The following MGAT4C variants were observed in gnomAD, a reference collection of about 807,000 sequenced individuals.
MGAT4C encodes MGAT4 family member C.
Under a neutral mutation model 40.1 loss-of-function variants are expected in MGAT4C, and 19 were observed. That is an observed-to-expected ratio of 0.47 (90% confidence interval 0.33 to 0.70). The LOEUF is 0.70. Among genes scored for constraint, MGAT4C ranks in the 30% least tolerant of loss-of-function variants. The pLI, the probability that MGAT4C is intolerant of heterozygous loss-of-function variation, is 0.02. For missense variants in MGAT4C, 491 were observed against 563.2 expected, an observed-to-expected ratio of 0.87 and a Z score of 1.30; for synonymous variants, 181 against 187.1, an observed-to-expected ratio of 0.97 and a Z score of 0.27.
intron 3 of MGAT4C, among the ~76,000 whole-genome samples, chr12:86,343,334 G>A (rs1004747014): frequency 7.2e-5 from 11 of 152,068 alleles, no homozygotes; most frequent in East Asian, 3.9e-4. Flanking sequence ...TCAATGTATC[G>A]TCACCTCAAA....
chr12:86,155,000 A>G (rs560569176), intron 1 of MGAT4C, among the ~76,000 whole-genome samples: 1 of 152,184 alleles, frequency 6.6e-6, no homozygotes, highest in Admixed American at 6.5e-5. Context: ...CATGATAGAG[A>G]GTAATGAGAG....
At chr12:86,219,965 A>C in intron 1 of MGAT4C, among the ~76,000 whole-genome samples, 1 of 152,132 alleles carries the variant, frequency 6.6e-6, no homozygotes, top group East Asian at 1.9e-4. Flanking sequence ...ACTGATGACA[A>C]TCAGACCTTT....
intron 1 of MGAT4C, among the ~76,000 whole-genome samples, chr12:86,743,433 G>A (rs1001009876): frequency 4.6e-5 from 7 of 151,512 alleles, no homozygotes; most frequent in Non-Finnish European, 8.9e-5. Context: ...GGGAAAACCA[G>A]CTTTCTCCTG....
chr12:86,517,652 G>GTTTA (rs376546298), intron 2 of MGAT4C, among the ~76,000 whole-genome samples: 3 of 151,260 alleles, frequency 2.0e-5, no homozygotes, highest in Non-Finnish European at 4.4e-5. Flanking sequence ...TTGTTTGTTT[G>GTTTA]TTTATTTATT....
intron 1 of MGAT4C, among the ~76,000 whole-genome samples, chr12:86,164,651 A>C (rs1885987394): frequency 1.3e-5 from 2 of 152,184 alleles, no homozygotes; most frequent in South Asian, 4.1e-4. Context: ...GTTCTGAATA[A>C]AAAGATTAGG....
chr12:86,207,183 GAAGA>G (rs556033383), intron 1 of MGAT4C, among the ~76,000 whole-genome samples: 19 of 151,452 alleles, frequency 1.3e-4, no homozygotes, highest in South Asian at 1.3e-3. Flanking sequence ...TTTTAGAAGT[GAAGA>G]AAGAGAGGCT....
At chr12:86,499,509 G>A (rs1345689755) in intron 2 of MGAT4C, among the ~76,000 whole-genome samples, 1 of 151,586 alleles carries the variant, frequency 6.6e-6, no homozygotes, top group Non-Finnish European at 1.5e-5. Flanking sequence ...TTTGGCTTAA[G>A]GCAAAAACAA....
chr12:86,557,972 G>GA (rs964830846), intron 2 of MGAT4C, among the ~76,000 whole-genome samples: 3 of 151,288 alleles, frequency 2.0e-5, no homozygotes, highest in African/African-American at 7.3e-5. Context: ...AAAGAAATCA[G>GA]AAAAAAATTC....
intron 2 of MGAT4C, among the ~76,000 whole-genome samples, chr12:86,603,543 CTATAGATAATA>C (rs1961895564): frequency 2.8e-4 from 2 of 7,068 alleles, no homozygotes; most frequent in Admixed American, 2.8e-3. Flanking sequence ...AGTCTATAGA[CTATAGATAATA>C]TATAGTCTAT....
At chr12:86,277,830 A>C (rs910607202) in intron 4 of MGAT4C, among the ~76,000 whole-genome samples, 2 of 152,094 alleles carry the variant, frequency 1.3e-5, no homozygotes, top group African/African-American at 4.8e-5. Flanking sequence ...AGGTAATATG[A>C]TTCCTCCAAT....
chr12:86,479,557 A>AT (rs1286604387), intron 2 of MGAT4C, among the ~76,000 whole-genome samples: 1 of 151,694 alleles, frequency 6.6e-6, no homozygotes, highest in Non-Finnish European at 1.5e-5. Context: ...TACCTTAGCT[A>AT]TTTTTTTTAT....
At chr12:86,796,140 C>A (rs1260816418) in intron 1 of MGAT4C, among the ~76,000 whole-genome samples, 2 of 146,788 alleles carry the variant, frequency 1.4e-5, no homozygotes, top group Non-Finnish European at 3.1e-5. Context: ...ATTTCTGTGA[C>A]TTGTTTTTTT....
chr12:86,081,326 A>G (rs1870799324), intron 1 of MGAT4C, among the ~76,000 whole-genome samples: 1 of 152,234 alleles, frequency 6.6e-6, no homozygotes, highest in African/African-American at 2.4e-5. Context: ...GACAGAAGTC[A>G]GCATAGTCAA....
At chr12:86,176,871 T>C (rs533142111) in intron 1 of MGAT4C, among the ~76,000 whole-genome samples, 1 of 148,564 alleles carries the variant, frequency 6.7e-6, no homozygotes, top group African/African-American at 2.5e-5. Context: ...TCATATTTCT[T>C]ATGTATTAAG....
At chr12:86,309,113 T>C (rs1236539837) in intron 4 of MGAT4C, among the ~76,000 whole-genome samples, 1 of 150,700 alleles carries the variant, frequency 6.6e-6, no homozygotes, top group Non-Finnish European at 1.5e-5. Flanking sequence ...ATTCAGATGA[T>C]TACCACTGTC....
chr12:86,084,118 A>C (rs1411229276), intron 1 of MGAT4C, among the ~76,000 whole-genome samples: 1 of 152,104 alleles, frequency 6.6e-6, no homozygotes, highest in Admixed American at 6.6e-5. Context: ...CTGAGGATAG[A>C]AGAAGTCCCT....
chr12:86,024,630 A>C (rs1272489608), intron 2 of MGAT4C, among the ~76,000 whole-genome samples: 1 of 151,808 alleles, frequency 6.6e-6, no homozygotes, highest in Non-Finnish European at 1.5e-5. Flanking sequence ...AAGTAATTTC[A>C]GGTTAACTCA....
chr12:86,838,072 T>A (rs1056870615), intron 1 of MGAT4C, among the ~76,000 whole-genome samples: 1 of 152,294 alleles, frequency 6.6e-6, no homozygotes, highest in Non-Finnish European at 1.5e-5. Context: ...ACTGTAGCAA[T>A]CAATTTTAGT....
intron 2 of MGAT4C, among the ~76,000 whole-genome samples, chr12:86,677,713 G>C (rs1949893433): frequency 6.6e-6 from 1 of 151,838 alleles, no homozygotes; most frequent in Admixed American, 6.6e-5. Context: ...CGAGTTAATG[G>C]GTTTCACATA....
Sources: gnomAD v4.1 joint callset for allele counts (sites outside exome capture counted in the v4.1 genomes callset) on GRCh38, gnomAD v4.1.1 for gene constraint, MANE v1.5 for transcripts, NCBI Gene and HGNC (gene_info 2026-07-23, HGNC 2026-07-21) for gene names.